Variants in NRXN3 observed in about 807,000 individuals in gnomAD.
NRXN3 encodes the protein neurexin 3.
Under a neutral mutation model 137.6 loss-of-function variants are expected in NRXN3, and 32 were observed. The observed-to-expected ratio is 0.23, with a 90% confidence interval of 0.18 to 0.31. NRXN3 has a LOEUF of 0.31. Ranked by LOEUF, NRXN3 falls within the 10% of genes least tolerant of loss-of-function variation. NRXN3 has a pLI of 1.00. For missense variants in NRXN3, 1,574 were observed against 2,062.5 expected, an observed-to-expected ratio of 0.76 and a Z score of 4.59; for synonymous variants, 798 against 784.5, an observed-to-expected ratio of 1.02 and a Z score of -0.29.
At chr14:78,614,923 G>C in intron 4 of NRXN3, 1 of 456,572 alleles carries the variant, frequency 2.2e-6, no homozygotes, top group Non-Finnish European at 4.4e-6. Flanking sequence ...CTCAAAGCAT[G>C]ACTAAGCCTT....
chr14:78,232,768 T>G (rs533185277), intron 1 of NRXN3, among the ~76,000 whole-genome samples: 3 of 152,234 alleles, frequency 2.0e-5, no homozygotes, highest in African/African-American at 7.2e-5. Flanking sequence ...GTGATTATCT[T>G]CATTATAAAT....
intron 5 of NRXN3, among the ~76,000 whole-genome samples, chr14:78,647,782 T>G (rs1425988703): frequency 1.3e-5 from 2 of 152,256 alleles, no homozygotes; most frequent in Non-Finnish European, 2.9e-5. Context: ...ATGTGAATAA[T>G]ATAAGATTAT....
chr14:79,648,157 T>C (rs2098460209), intron 16 of NRXN3, among the ~76,000 whole-genome samples: 1 of 134,572 alleles, frequency 7.4e-6, no homozygotes, highest in Non-Finnish European at 1.7e-5. Flanking sequence ...AGCAAAAGTA[T>C]TTCCCTTCCC....
At chr14:78,406,205 C>T (rs1295071248) in intron 4 of NRXN3, among the ~76,000 whole-genome samples, 1 of 152,212 alleles carries the variant, frequency 6.6e-6, no homozygotes, top group Non-Finnish European at 1.5e-5. Context: ...CCAATCCAAA[C>T]TGGCTTAAAC....
At chr14:79,102,197 G>A (rs796132363) in intron 15 of NRXN3, among the ~76,000 whole-genome samples, 2 of 152,088 alleles carry the variant, frequency 1.3e-5, no homozygotes, top group South Asian at 4.1e-4. Context: ...GTTCCCTTCT[G>A]CCCTGGTATA....
intron 16 of NRXN3, among the ~76,000 whole-genome samples, chr14:79,490,885 T>G (rs1004155748): frequency 6.6e-6 from 1 of 152,178 alleles, no homozygotes; most frequent in African/African-American, 2.4e-5. Context: ...GATGTGATTA[T>G]TGCACATTGC....
intron 1 of NRXN3, among the ~76,000 whole-genome samples, chr14:78,174,036 C>T (rs1048595312): frequency 3.9e-5 from 6 of 152,000 alleles, no homozygotes; most frequent in Admixed American, 6.6e-5. Context: ...CTAAAGCTGT[C>T]GTGTGTCGCA....
At chr14:79,779,350 T>G (rs2099106879) in intron 19 of NRXN3, among the ~76,000 whole-genome samples, 1 of 152,096 alleles carries the variant, frequency 6.6e-6, no homozygotes, top group African/African-American at 2.4e-5. Context: ...CGACCTCAGG[T>G]GATCCGCCCA....
At chr14:78,979,091 A>T (rs1049504783) in intron 14 of NRXN3, among the ~76,000 whole-genome samples, 1 of 152,068 alleles carries the variant, frequency 6.6e-6, no homozygotes, top group African/African-American at 2.4e-5. Flanking sequence ...ACCACAACAG[A>T]TTGGATGATG....
chr14:78,423,616 C>CT (rs2093545853), intron 4 of NRXN3, among the ~76,000 whole-genome samples: 1 of 152,208 alleles, frequency 6.6e-6, no homozygotes, highest in South Asian at 2.1e-4. Context: ...CCCACAAACT[C>CT]TTTTCAAGTA....
Position 79,467,315 on chromosome 14 carries a change from C to T in NRXN3, c.3357C>T (p.Ala1119=), listed in dbSNP as rs778188448. Residue 1119 remains alanine, a synonymous_variant, in exon 16 of 21, where the codon GCC becomes GCT. Coordinates refer to ENST00000335750, the MANE Select transcript of NRXN3 (RefSeq NM_001330195.2). ...DRPSTRSDRL[A]VGFSTTVKDG... ...CCAGCACGCGGTCTGACCGCCTTGC[C>T]GTGGGCTTCAGCACCACTGTGAAGG... 1.7e-5 allele frequency: 27 copies of T among 1,613,672 alleles called. No individual in the cohort carries two copies. The Admixed American group carries it at 2.5e-4, about 15-fold the overall frequency.
intron 10 of NRXN3, among the ~76,000 whole-genome samples, chr14:78,940,673 A>C (rs1378166668): frequency 3.3e-5 from 5 of 152,166 alleles, no homozygotes; most frequent in African/African-American, 1.2e-4. Context: ...GATTTTTATA[A>C]TTGTCATTTA....
intron 15 of NRXN3, among the ~76,000 whole-genome samples, chr14:79,162,453 C>T (rs897226557): frequency 1.3e-5 from 2 of 151,858 alleles, no homozygotes; most frequent in African/African-American, 4.8e-5. Context: ...TCATCCATGT[C>T]CCTACAAAGG....
chr14:79,528,677 T>C (rs954467299), intron 16 of NRXN3, among the ~76,000 whole-genome samples: 3 of 152,152 alleles, frequency 2.0e-5, no homozygotes, highest in Non-Finnish European at 4.4e-5. Flanking sequence ...AAAGTAGTTT[T>C]TTTTTATTTC....
intron 15 of NRXN3, among the ~76,000 whole-genome samples, chr14:79,326,687 T>G (rs1255503014): frequency 6.6e-6 from 1 of 152,180 alleles, no homozygotes; most frequent in Non-Finnish European, 1.5e-5. Flanking sequence ...TTGAAATAAA[T>G]ATAAAAGATC....
chr14:79,732,285 C>T (rs1021033660), intron 19 of NRXN3, among the ~76,000 whole-genome samples: 8 of 152,028 alleles, frequency 5.3e-5, no homozygotes, highest in African/African-American at 1.9e-4. Context: ...TCATTATTAC[C>T]AATAAGTAAT....
intron 4 of NRXN3, among the ~76,000 whole-genome samples, chr14:78,433,679 C>A (rs1167995839): frequency 1.3e-5 from 2 of 152,194 alleles, no homozygotes; most frequent in African/African-American, 2.4e-5. Context: ...CTATCTTCCA[C>A]TATGGGATGA....
At chr14:78,251,359 A>T (rs2068597963) in intron 2 of NRXN3, among the ~76,000 whole-genome samples, 1 of 152,186 alleles carries the variant, frequency 6.6e-6, no homozygotes. Flanking sequence ...TGGATTTACC[A>T]TGAAACTAAG....
At chr14:79,093,605 G>A (rs1271584149) in intron 15 of NRXN3, among the ~76,000 whole-genome samples, 2 of 152,140 alleles carry the variant, frequency 1.3e-5, no homozygotes, top group Admixed American at 6.6e-5. Flanking sequence ...TTCTGCGAGC[G>A]AGCCTACTAA....
Sources: allele counts gnomAD v4.1 joint callset (sites outside exome capture counted in the v4.1 genomes callset), GRCh38; gene constraint gnomAD v4.1.1; transcripts MANE v1.5; gene names NCBI Gene and HGNC (gene_info 2026-07-23, HGNC 2026-07-21).